Variants in IQSEC1 observed in about 807,000 individuals in gnomAD.
IQSEC1 encodes the protein IQ motif and SEC7 domain-containing protein 1.
In IQSEC1, 31 loss-of-function variants were observed where a neutral mutation model predicts 91.0. The ratio of observed to expected loss-of-function variants is 0.34; its 90% CI spans 0.26 to 0.46. The LOEUF (loss-of-function observed/expected upper bound fraction) is 0.46, where lower values mean the gene tolerates loss of function less well. Ranked by LOEUF, IQSEC1 falls within the 20% of genes least tolerant of loss-of-function variation. The pLI is 1.00. For missense variants in IQSEC1, 1,388 were observed against 1,575.6 expected, an observed-to-expected ratio of 0.88 and a Z score of 2.02; for synonymous variants, 699 against 662.6, an observed-to-expected ratio of 1.05 and a Z score of -0.84.
At chr3:13,185,191 C>T (rs557108348) in intron 1 of IQSEC1, among the ~76,000 whole-genome samples, 3 of 152,264 alleles carry the variant, frequency 2.0e-5, no homozygotes, top group South Asian at 2.1e-4. Context: ...CCTGACCTTA[C>T]GCAAGTGGCT....
Position 13,143,465 on chromosome 3 carries a change from G to A in IQSEC1, c.302+20639C>T, listed in dbSNP as rs577009279. On this transcript the variant is annotated intron_variant, in intron 2 of 15. Transcript: ENST00000648114. ...ATCCAGGAAGTGATGCACAGAGGAC[G>A]CAGAGCCTTGGCCCTGAACCTGCTC... is the stretch of plus-strand genomic sequence containing the variant. 4.6e-5 allele frequency among the ~76,000 whole-genome samples: 7 copies of A among 152,334 alleles called. No homozygotes were observed. In the South Asian group the frequency reaches 1.0e-3, roughly 23 times the overall value.
chr3:13,047,556 G>A (rs1704546763), intron 1 of IQSEC1: 1 of 977,016 alleles, frequency 1.0e-6, no homozygotes, highest in Non-Finnish European at 1.2e-6. Context: ...GGTTACTTAT[G>A]GTCCCACACA....
chr3:13,094,647 T>C (rs974317883), intron 2 of IQSEC1, among the ~76,000 whole-genome samples: 1 of 152,098 alleles, frequency 6.6e-6, no homozygotes, highest in Non-Finnish European at 1.5e-5. Flanking sequence ...ATAATACAGT[T>C]GTGGAAACTG....
In IQSEC1 at chr3:13,112,941, T is replaced by G. The variant is rs147288468; in HGVS notation, c.302+51163A>C. On this transcript the variant is annotated intron_variant, in intron 2 of 15. Transcript: ENST00000648114. ...CTGTCACATGAATCAGTTCTGAATG[T>G]GCCAAATTTCATTCTGCTGTGATTA... Among the ~76,000 whole-genome samples, 11 of 152,370 alleles carry G rather than the reference T, an allele frequency of 7.2e-5. No homozygotes were observed. In the East Asian group the frequency reaches 2.1e-3, roughly 29 times the overall value.
Position 12,899,857 on chromosome 3 carries a change from G to A in IQSEC1, c.*1126C>T, listed in dbSNP as rs760087910. ...GAGGACGTTATGGTGTTGGGGAGACGAGGATGAGAGCTGGTCACTTTCATG... is the reference window on the plus strand; with the variant it reads ...GAGGACGTTATGGTGTTGGGGAGACAAGGATGAGAGCTGGTCACTTTCATG... On this transcript the variant is annotated 3_prime_UTR_variant, in exon 14 of 14. Coordinates refer to ENST00000613206, the MANE Select transcript of IQSEC1 (RefSeq NM_001134382.3). 37 of 985,236 alleles carry A rather than the reference G, an allele frequency of 3.8e-5. No homozygotes were observed. The highest frequency in any genetic ancestry group is 5.2e-4 in the Middle Eastern group (1 of 1,936). The allele number at this position is 985,236 out of a possible 1,614,324, so 61.0% of individuals were successfully genotyped here.
At chr3:13,267,966 C>T (rs1695526469) in intron 1 of IQSEC1, among the ~76,000 whole-genome samples, 1 of 152,210 alleles carries the variant, frequency 6.6e-6, no homozygotes, top group African/African-American at 2.4e-5. Context: ...CCTTAACCAG[C>T]TCTCCTCCAG....
At chr3:13,176,282 C>T (rs138426500) in intron 1 of IQSEC1, among the ~76,000 whole-genome samples, 5 of 152,278 alleles carry the variant, frequency 3.3e-5, no homozygotes, top group East Asian at 1.9e-4. Context: ...GCCAGAACAA[C>T]GTCAGAACTG....
rs1340148242 is a variant in IQSEC1, at chr3:12,901,203, T to C, written c.3125A>G (p.His1042Arg). 6 of 1,544,730 alleles carry C rather than the reference T, an allele frequency of 3.9e-6. No homozygotes were observed. The Admixed American group carries it at 9.8e-5, about 25-fold the overall frequency. ...CTGGGGTGGGTGGTGGTGGTGGTGA[T>C]GGTGGTACGGGGGAGGGTTCTGCAT... ...CHMQNPPPYHHHHHHHPPQHI... is the reference protein window; with the variant it reads ...CHMQNPPPYHRHHHHHPPQHI... The change falls in exon 14 of 14, where the codon CAT becomes CGT. Residue 1042 changes from histidine (H) to arginine (R), a missense_variant. By Grantham distance (29) the His-to-Arg change is conservative (BLOSUM62 0). This residue lies in a region of IQSEC1 where 329 missense variants were observed against 257.8 expected (regional missense o/e 1.28). Coordinates refer to ENST00000613206, the MANE Select transcript of IQSEC1 (RefSeq NM_001134382.3).
chr3:13,017,988 C>T (rs1314853753), intron 1 of IQSEC1, among the ~76,000 whole-genome samples: 1 of 152,166 alleles, frequency 6.6e-6, no homozygotes, highest in Non-Finnish European at 1.5e-5. Context: ...GTGACCCCTT[C>T]CTCAGCCTCA....
chr3:13,236,958 C>T (rs910393243), intron 1 of IQSEC1, among the ~76,000 whole-genome samples: 2 of 152,234 alleles, frequency 1.3e-5, no homozygotes, highest in African/African-American at 4.8e-5. Context: ...GGGCCCGGCC[C>T]GGGCGCACTG....
intron 1 of IQSEC1, among the ~76,000 whole-genome samples, chr3:13,043,867 T>G (rs1276031605): frequency 6.6e-6 from 1 of 152,186 alleles, no homozygotes; most frequent in South Asian, 2.1e-4. Context: ...TCACACTCCA[T>G]TCAGACGAGG....
chr3:12,951,126 A>G (rs1576020923), intron 1 of IQSEC1, among the ~76,000 whole-genome samples: 1 of 152,186 alleles, frequency 6.6e-6, no homozygotes, highest in Non-Finnish European at 1.5e-5. Flanking sequence ...AACTTTTAAA[A>G]AGTTATAATA....
At chr3:12,956,323 T>C (rs1486066707) in intron 1 of IQSEC1, among the ~76,000 whole-genome samples, 6 of 152,218 alleles carry the variant, frequency 3.9e-5, no homozygotes, top group Non-Finnish European at 8.8e-5. Context: ...TTGGGACCAG[T>C]TGTTCCCAAG....
At chr3:13,019,909 A>C (rs1220425956) in intron 1 of IQSEC1, among the ~76,000 whole-genome samples, 1 of 152,190 alleles carries the variant, frequency 6.6e-6, no homozygotes, top group African/African-American at 2.4e-5. Flanking sequence ...GTGCCATTCA[A>C]TGAGGAGACT....
intron 1 of IQSEC1, among the ~76,000 whole-genome samples, chr3:13,004,461 C>T (rs1702550034): frequency 6.6e-6 from 1 of 152,164 alleles, no homozygotes. Context: ...CAGGCCCCAG[C>T]CTCCCACCAG....
chr3:13,049,990 T>C (rs1190146478), intron 1 of IQSEC1, among the ~76,000 whole-genome samples: 1 of 152,082 alleles, frequency 6.6e-6, no homozygotes, highest in Non-Finnish European at 1.5e-5. Flanking sequence ...GGCCCAGTGC[T>C]GAACCCCACA....
chr3:13,202,062 CGTT>C (rs1465578556), intron 1 of IQSEC1, among the ~76,000 whole-genome samples: 4 of 152,216 alleles, frequency 2.6e-5, no homozygotes, highest in Non-Finnish European at 5.9e-5. Context: ...AGTGATCAGA[CGTT>C]GTCTCTATCC....
At chr3:13,036,199 A>G (rs1185915337) in intron 1 of IQSEC1, among the ~76,000 whole-genome samples, 1 of 152,182 alleles carries the variant, frequency 6.6e-6, no homozygotes, top group African/African-American at 2.4e-5. Flanking sequence ...GTCAGAAAGT[A>G]TTCATTAGTG....
chr3:13,205,558 T>C (rs1267996007), intron 1 of IQSEC1, among the ~76,000 whole-genome samples: 1 of 138,044 alleles, frequency 7.2e-6, no homozygotes, highest in Non-Finnish European at 1.6e-5. Flanking sequence ...CATCCATCCT[T>C]CCCTCCCTCT....
Sources: allele counts gnomAD v4.1 joint callset (sites outside exome capture counted in the v4.1 genomes callset), GRCh38; gene constraint gnomAD v4.1.1; regional missense constraint gnomAD v4.1.1; transcripts MANE v1.5; gene names NCBI Gene and HGNC (gene_info 2026-07-23, HGNC 2026-07-21).